The following SPA17 variants were observed in gnomAD, a reference collection of about 807,000 sequenced individuals.
The protein encoded by SPA17 is sperm surface protein Sp17.
SPA17 carries 7 observed loss-of-function variants against 13.8 expected under a neutral mutation model. That is an observed-to-expected ratio of 0.51 (90% CI 0.29 to 0.95). SPA17 has a LOEUF of 0.95. Ranked by LOEUF, SPA17 falls within the 40% of genes least tolerant of loss-of-function variation. SPA17 has a pLI of 0.08. For synonymous variants in SPA17, 61 were observed against 59.0 expected (o/e 1.03, Z -0.16); for missense variants, 170 against 179.3 (o/e 0.95, Z 0.30).
intron 4 of SPA17, among the ~76,000 whole-genome samples, chr11:124,692,497 G>A (rs1050710415): frequency 3.3e-5 from 5 of 152,026 alleles, no homozygotes; most frequent in Non-Finnish European, 2.9e-5. Context: ...AGAGAATGGT[G>A]TGAACCCGGG....
intron 2 of SPA17, among the ~76,000 whole-genome samples, chr11:124,680,170 G>A (rs1172854485): frequency 6.6e-6 from 1 of 152,008 alleles, no homozygotes; most frequent in Non-Finnish European, 1.5e-5. Flanking sequence ...CAACCCCTAA[G>A]GAAATGATCT....
intron 2 of SPA17, among the ~76,000 whole-genome samples, chr11:124,677,884 T>G (rs1943487043): frequency 6.6e-6 from 1 of 152,170 alleles, no homozygotes; most frequent in Non-Finnish European, 1.5e-5. Flanking sequence ...TGAAAGTATA[T>G]TCAAACTAAT....
intron 3 of SPA17, among the ~76,000 whole-genome samples, chr11:124,687,360 C>G (rs1362793413): frequency 6.6e-6 from 1 of 152,000 alleles, no homozygotes; most frequent in Non-Finnish European, 1.5e-5. Flanking sequence ...CCAAATTCTA[C>G]CCAGTTCTAC....
intron 1 of SPA17, chr11:124,674,865 GTCT>G (rs1352813556): frequency 6.5e-6 from 1 of 153,278 alleles, no homozygotes; most frequent in Non-Finnish European, 1.4e-5. Flanking sequence ...CTCAAAGAAG[GTCT>G]TCTCAGCAAT....
At chr11:124,675,502 T>G in intron 2 of SPA17, 84 bp downstream of exon 2, 1 of 1,472,504 alleles carries the variant, frequency 6.8e-7, no homozygotes, top group Non-Finnish European at 9.2e-7. Context: ...CCATCTCCAT[T>G]CTGCAGAAAG....
rs1400230257 is a variant in SPA17, at chr11:124,694,473, A to G, written c.*27A>G. On this transcript the variant is annotated 3_prime_UTR_variant, in exon 5 of 5. Transcript: ENST00000227135. ...GACACTGGTTTTACCTCCAGGAAACATGAAAAATAATCCAAATCCATCAAC... is the reference window on the plus strand; with the variant it reads ...GACACTGGTTTTACCTCCAGGAAACGTGAAAAATAATCCAAATCCATCAAC... The G allele has an allele frequency of 1.3e-6, 2 of 1,574,580 alleles. No homozygotes were observed. Among genetic ancestry groups the G allele is most frequent in the Non-Finnish European group, 1.7e-6 (2 of 1,161,826 alleles).
At chr11:124,683,853 A>G (rs1943549574) in intron 3 of SPA17, among the ~76,000 whole-genome samples, 1 of 152,208 alleles carries the variant, frequency 6.6e-6, no homozygotes, top group Admixed American at 6.5e-5. Flanking sequence ...ATGTCTAAAG[A>G]CAGAGGTAGA....
At position 124,679,591 on chromosome 11, in the gene SPA17, G is replaced by C. The variant is rs537593839; in HGVS notation, c.155-1798G>C. Among the ~76,000 whole-genome samples the C allele has an allele frequency of 2.9e-4, 44 of 152,218 alleles. No individual in the cohort carries two copies. The South Asian group carries it at 6.8e-3, about 24-fold the overall frequency. ...AATGAAAGAAGTATTTTCTAGCTCT[G>C]TACATTAAAGGTCTCAAAACAATGA... is the stretch of plus-strand genomic sequence containing the variant. On this transcript the variant is annotated intron_variant, in intron 2 of 4. Transcript: ENST00000227135.
chr11:124,693,504 C>A (rs1248188164), intron 4 of SPA17, among the ~76,000 whole-genome samples: 4 of 146,422 alleles, frequency 2.7e-5, no homozygotes, highest in African/African-American at 1.0e-4. Context: ...ATATATATAC[C>A]CATATGAATA....
chr11:124,683,843 A>T (rs189824450), intron 3 of SPA17, among the ~76,000 whole-genome samples: 4 of 152,220 alleles, frequency 2.6e-5, no homozygotes, highest in Non-Finnish European at 5.9e-5. Flanking sequence ...AAAAATTTCT[A>T]TGTCTAAAGA....
intron 3 of SPA17, among the ~76,000 whole-genome samples, chr11:124,686,036 C>G (rs953320436): frequency 6.6e-6 from 1 of 152,148 alleles, no homozygotes; most frequent in East Asian, 1.9e-4. Context: ...AGGCATGATT[C>G]TGTTTTGAAA....
chr11:124,682,032 G>A (rs1943534674), intron 3 of SPA17, among the ~76,000 whole-genome samples: 1 of 152,082 alleles, frequency 6.6e-6, no homozygotes, highest in Non-Finnish European at 1.5e-5. Context: ...CAGAGTCTGA[G>A]CCTTTCTCTT....
chr11:124,691,906 A>G lies in SPA17; in HGVS notation c.312+124A>G, dbSNP rs1943626463. ...TCAAAATTATGACTTTACTTTCCAG[A>G]TAATTAACATCAGTGATAAACTAAC... is the stretch of plus-strand genomic sequence containing the variant. On this transcript the variant is annotated intron_variant, in intron 4 of 4. Coordinates refer to ENST00000227135, the MANE Select transcript of SPA17 (RefSeq NM_017425.4). The G allele has an allele frequency of 3.6e-5, 19 of 533,170 alleles. No homozygotes were observed. The South Asian group carries it at 8.1e-4, about 23-fold the overall frequency. The allele number at this position is 533,170 out of a possible 1,614,324, so 33.0% of individuals were successfully genotyped here. A position where few individuals can be genotyped will look rare whatever the true frequency, so the allele number is the denominator to read the frequency against.
intron 1 of SPA17, chr11:124,674,476 C>T (rs1943431024): frequency 6.6e-6 from 1 of 152,420 alleles, no homozygotes; most frequent in African/African-American, 2.4e-5. Flanking sequence ...GACGCACACT[C>T]TCACATTAAC....
chr11:124,696,417 T>C lies in SPA17; in HGVS notation c.*1971T>C, dbSNP rs1233659007. ...TATATAGCAGGAAAAAAAAAAAAGA[T>C]GAGTTAGCTTTTTCAGTAATTCTCC... On this transcript the variant is annotated 3_prime_UTR_variant, in exon 5 of 5. Transcript: ENST00000227135. The C allele has an allele frequency of 6.7e-6, 1 of 148,706 alleles. No individual in the cohort carries two copies. The highest frequency in any genetic ancestry group is 1.9e-4 in the East Asian group (1 of 5,142). The allele number at this position is 148,706 out of a possible 1,614,324, so 9.2% of individuals were successfully genotyped here.
chr11:124,684,865 A>G (rs1362678306), intron 3 of SPA17, among the ~76,000 whole-genome samples: 1 of 152,202 alleles, frequency 6.6e-6, no homozygotes, highest in East Asian at 1.9e-4. Context: ...CCCCTTCCCT[A>G]AAGATCTGTG....
At chr11:124,678,516 C>CTCTGTG (rs990471654) in intron 2 of SPA17, among the ~76,000 whole-genome samples, 16 of 143,260 alleles carry the variant, frequency 1.1e-4, no homozygotes, top group African/African-American at 4.1e-4. Context: ...GAATACATAA[C>CTCTGTG]TGTGTGTGTG....
At chr11:124,693,648 A>G (rs1943644804) in intron 4 of SPA17, among the ~76,000 whole-genome samples, 1 of 152,194 alleles carries the variant, frequency 6.6e-6, no homozygotes, top group Non-Finnish European at 1.5e-5. Context: ...AAGTGTATAC[A>G]TGTCATTTCT....
chr11:124,677,055 G>A (rs764526618), intron 2 of SPA17, among the ~76,000 whole-genome samples: 9 of 152,118 alleles, frequency 5.9e-5, no homozygotes, highest in Admixed American at 2.0e-4. Context: ...AAACATTTGC[G>A]TCATTGTTAC....
Sources: gnomAD v4.1 joint callset for allele counts (sites outside exome capture counted in the v4.1 genomes callset) on GRCh38, gnomAD v4.1.1 for gene constraint, MANE v1.5 for transcripts, NCBI Gene and HGNC (gene_info 2026-07-23, HGNC 2026-07-21) for gene names.